RAD51B: variants seen among roughly 807,000 people sequenced by gnomAD.
RAD51B encodes the protein DNA repair protein RAD51 homolog 2.
Under a neutral mutation model 42.2 loss-of-function variants are expected in RAD51B, and 38 were observed. The ratio of observed to expected loss-of-function variants is 0.90; its 90% CI spans 0.70 to 1.18. The LOEUF is 1.18. Among genes scored for constraint, RAD51B ranks in the 50% most tolerant of loss-of-function variants. The pLI is 0.00. For missense variants in RAD51B, 373 were observed against 400.7 expected, an observed-to-expected ratio of 0.93 and a Z score of 0.59; for synonymous variants, 154 against 145.2, an observed-to-expected ratio of 1.06 and a Z score of -0.43.
chr14:68,370,256 A>G (rs2083225868), intron 8 of RAD51B, among the ~76,000 whole-genome samples: 1 of 152,262 alleles, frequency 6.6e-6, no homozygotes, highest in African/African-American at 2.4e-5. Context: ...GGCAGAAATT[A>G]CAGTTTACAT....
chr14:67,938,607 A>C (rs2045043087), intron 7 of RAD51B, among the ~76,000 whole-genome samples: 1 of 152,194 alleles, frequency 6.6e-6, no homozygotes, highest in African/African-American at 2.4e-5. Context: ...CTTGCTGTGA[A>C]ATAGTAGGGG....
At chr14:68,317,765 A>C (rs144075203) in intron 8 of RAD51B, among the ~76,000 whole-genome samples, 79 of 152,352 alleles carry the variant, frequency 5.2e-4, no homozygotes, top group African/African-American at 1.6e-3. Flanking sequence ...ATTTTGAAAA[A>C]ATTGAGATAG....
chr14:68,548,510 G>T (rs1171787683), intron 10 of RAD51B, among the ~76,000 whole-genome samples: 1 of 152,254 alleles, frequency 6.6e-6, no homozygotes, highest in East Asian at 1.9e-4. Context: ...CGCAGGAGCT[G>T]GTTCCGAGAT....
chr14:68,092,288 G>A (rs2077114123), intron 7 of RAD51B, among the ~76,000 whole-genome samples: 2 of 152,126 alleles, frequency 1.3e-5, no homozygotes, highest in Admixed American at 1.3e-4. Flanking sequence ...ATTACCTTGG[G>A]CAGTATGGCC....
At chr14:68,440,720 T>A (rs1417714018) in intron 9 of RAD51B, among the ~76,000 whole-genome samples, 1 of 151,232 alleles carries the variant, frequency 6.6e-6, no homozygotes, top group Non-Finnish European at 1.5e-5. Flanking sequence ...CATTCCAGCC[T>A]GGGCAACAAG....
chr14:67,838,925 T>C (rs557018112), intron 4 of RAD51B, among the ~76,000 whole-genome samples: 1 of 152,348 alleles, frequency 6.6e-6, no homozygotes, highest in South Asian at 2.1e-4. Context: ...AAAACTTTTT[T>C]TTCTGCATTG....
At chr14:68,426,214 G>A (rs918933610) in intron 9 of RAD51B, among the ~76,000 whole-genome samples, 11 of 150,036 alleles carry the variant, frequency 7.3e-5, no homozygotes, top group Non-Finnish European at 1.2e-4. Context: ...GATTACAGGC[G>A]CCCACCACCA....
chr14:68,405,389 G>A (rs10150212), intron 8 of RAD51B, among the ~76,000 whole-genome samples: 48,756 of 151,908 alleles, frequency 0.32, 10,451 homozygotes, highest in African/African-American at 0.61. Flanking sequence ...GGTTACAGTG[G>A]GCTATGATCA....
chr14:68,682,910 C>CTTTTT (rs535044457), intron 11 of RAD51B: 175 of 701,186 alleles, frequency 2.5e-4, no homozygotes, highest in Middle Eastern at 1.5e-3. Flanking sequence ...TAGCTTATGG[C>CTTTTT]TTTTTTTTTT....
chr14:67,874,708 C>T (rs1230152020), intron 5 of RAD51B, among the ~76,000 whole-genome samples: 1 of 151,926 alleles, frequency 6.6e-6, no homozygotes, highest in Non-Finnish European at 1.5e-5. Flanking sequence ...CTTAAGATCT[C>T]ATATAGTCTT....
intron 8 of RAD51B, among the ~76,000 whole-genome samples, chr14:68,355,122 A>G (rs1594714963): frequency 6.6e-6 from 1 of 152,320 alleles, no homozygotes; most frequent in Admixed American, 6.5e-5. Context: ...GGGAGCTCCC[A>G]TACTGTAGAG....
chr14:68,237,304 G>A (rs2080280503), intron 7 of RAD51B, among the ~76,000 whole-genome samples: 1 of 152,114 alleles, frequency 6.6e-6, no homozygotes, highest in African/African-American at 2.4e-5. Context: ...GTTAACTGAA[G>A]CAATGAAAAA....
At chr14:68,468,644 A>G (rs1462885273) in intron 10 of RAD51B, 1 of 336,056 alleles carries the variant, frequency 3.0e-6, no homozygotes, top group African/African-American at 2.1e-5. Flanking sequence ...TTAACAAGCT[A>G]AAGAACCATC....
At chr14:68,331,634 G>A (rs551985987) in intron 8 of RAD51B, among the ~76,000 whole-genome samples, 1 of 152,130 alleles carries the variant, frequency 6.6e-6, no homozygotes, top group East Asian at 1.9e-4. Flanking sequence ...GGGCCACATC[G>A]CTGAGACAGA....
At chr14:68,479,134 A>G (rs1231963745), downstream of RAD51B, among the ~76,000 whole-genome samples, 9 of 152,178 alleles carry the variant, frequency 5.9e-5, no homozygotes, top group Admixed American at 5.9e-4. Flanking sequence ...GGCTGTGACC[A>G]TGTGTCTCCC....
intron 7 of RAD51B, among the ~76,000 whole-genome samples, chr14:68,143,072 A>G (rs1463668484): frequency 4.0e-5 from 6 of 151,832 alleles, no homozygotes; most frequent in Non-Finnish European, 7.4e-5. Flanking sequence ...GAACACTGTG[A>G]TTTCTGTGGA....
At chr14:68,200,335 T>C (rs1190696263) in intron 7 of RAD51B, among the ~76,000 whole-genome samples, 1 of 152,202 alleles carries the variant, frequency 6.6e-6, no homozygotes, top group Non-Finnish European at 1.5e-5. Context: ...TTCTTACCTC[T>C]CTTTGAAAAG....
chr14:68,407,084 A>G (rs56070087), intron 8 of RAD51B, among the ~76,000 whole-genome samples: 322 of 152,346 alleles, frequency 2.1e-3, no homozygotes, highest in Non-Finnish European at 3.6e-3. Context: ...TCTTAAAATA[A>G]GTAGAATATA....
intron 3 of RAD51B, among the ~76,000 whole-genome samples, chr14:67,834,822 G>A (rs1222411727): frequency 6.6e-6 from 1 of 152,098 alleles, no homozygotes; most frequent in East Asian, 1.9e-4. Flanking sequence ...GTAATTGCCT[G>A]GTTTCTAGTC....
Sources: allele counts gnomAD v4.1 joint callset (sites outside exome capture counted in the v4.1 genomes callset), GRCh38; gene constraint gnomAD v4.1.1; transcripts MANE v1.5; gene names NCBI Gene and HGNC (gene_info 2026-07-23, HGNC 2026-07-21).